Variants in IFTAP observed in about 807,000 individuals in gnomAD.
IFTAP encodes the protein intraflagellar transport associated protein.
In IFTAP, 19 loss-of-function variants were observed where a neutral mutation model predicts 19.4. The observed-to-expected ratio is 0.98, with a 90% CI of 0.68 to 1.44. The LOEUF is 1.44. Among genes scored for constraint, IFTAP ranks in the 40% most tolerant of loss-of-function variants. The pLI is 0.00. For missense variants in IFTAP, 240 were observed against 253.6 expected (o/e 0.95, Z 0.36); for synonymous variants, 85 against 83.5 (o/e 1.02, Z -0.10).
intron 4 of IFTAP, among the ~76,000 whole-genome samples, chr11:36,642,104 C>A (rs539737199): frequency 1.3e-5 from 2 of 151,722 alleles, no homozygotes; most frequent in Non-Finnish European, 2.9e-5. Context: ...ATTGATAGAC[C>A]GCTAGCAAGA....
At chr11:36,651,954 A>G (rs1179441538) in intron 5 of IFTAP, among the ~76,000 whole-genome samples, 1 of 152,170 alleles carries the variant, frequency 6.6e-6, no homozygotes, top group African/African-American at 2.4e-5. Flanking sequence ...TGGTTACTGT[A>G]GCCTTGTAGT....
intron 4 of IFTAP, among the ~76,000 whole-genome samples, chr11:36,647,030 G>A (rs1459376379): frequency 6.6e-6 from 1 of 152,032 alleles, no homozygotes; most frequent in East Asian, 1.9e-4. Context: ...ATAGTGTTGA[G>A]GGATTCATTT....
chr11:36,653,206 A>G (rs969312374), intron 5 of IFTAP, among the ~76,000 whole-genome samples: 4 of 152,162 alleles, frequency 2.6e-5, no homozygotes, highest in African/African-American at 4.8e-5. Flanking sequence ...TAGTTTGCCT[A>G]TGTGGTACTA....
intron 4 of IFTAP, among the ~76,000 whole-genome samples, chr11:36,645,816 G>C (rs1853458401): frequency 6.6e-6 from 1 of 152,048 alleles, no homozygotes; most frequent in Non-Finnish European, 1.5e-5. Context: ...TGAGGGTAAG[G>C]GCTATAGTCA....
At chr11:36,656,008 T>G (rs1312069293) in intron 5 of IFTAP, among the ~76,000 whole-genome samples, 1 of 152,168 alleles carries the variant, frequency 6.6e-6, no homozygotes. Flanking sequence ...TTTCTATTTT[T>G]AAGAATAAAT....
At chr11:36,598,977 A>T (rs1254082045) in intron 1 of IFTAP, among the ~76,000 whole-genome samples, 80 of 152,080 alleles carry the variant, frequency 5.3e-4, no homozygotes, top group Admixed American at 5.2e-3. Context: ...GATAGCAAAA[A>T]CTACCTTTAT....
At chr11:36,617,473 C>A (rs961668501) in intron 2 of IFTAP, among the ~76,000 whole-genome samples, 1 of 151,616 alleles carries the variant, frequency 6.6e-6, no homozygotes. Context: ...GAAACTATAG[C>A]AAGGGGTCTA....
At chr11:36,609,478 T>A (rs1382090480) in intron 1 of IFTAP, among the ~76,000 whole-genome samples, 2 of 152,166 alleles carry the variant, frequency 1.3e-5, no homozygotes, top group African/African-American at 4.8e-5. Context: ...AGTCCCTGGA[T>A]GTGTTGATGC....
In IFTAP at chr11:36,633,458, T is replaced by C; in HGVS notation, c.291+20T>C. ...GAACAGGTAATACCAACATAGTACA[T>C]GTATAGAAACAATCTCAGAAGAAAA... On this transcript the variant is annotated intron_variant, in intron 3 of 5. Transcript: ENST00000334307. The C allele has an allele frequency of 6.7e-7, 1 of 1,488,074 alleles. No individual in the cohort carries two copies. The highest frequency in any genetic ancestry group is 8.9e-7 in the Non-Finnish European group (1 of 1,118,854). 92.2% of individuals were successfully genotyped at this position (1,488,074 alleles called of 1,614,324 possible). A position where few individuals can be genotyped will look rare whatever the true frequency, so the allele number is the denominator to read the frequency against.
chr11:36,643,057 G>A (rs1853302201), intron 4 of IFTAP, among the ~76,000 whole-genome samples: 1 of 152,156 alleles, frequency 6.6e-6, no homozygotes, highest in African/African-American at 2.4e-5. Flanking sequence ...AGGAAAAGAG[G>A]AAGTCAAATT....
intron 2 of IFTAP, among the ~76,000 whole-genome samples, chr11:36,620,608 A>G (rs886871999): frequency 1.3e-5 from 2 of 152,010 alleles, no homozygotes; most frequent in African/African-American, 2.4e-5. Context: ...TATTTGGTTC[A>G]TAGATAATCA....
Position 36,614,182 on chromosome 11 carries a change from T to C in IFTAP, c.136+3943T>C, listed in dbSNP as rs367966440. On this transcript the variant is annotated intron_variant, in intron 2 of 5. Coordinates refer to ENST00000334307, the MANE Select transcript of IFTAP (RefSeq NM_138787.4). The stretch of plus-strand genomic sequence containing the variant: ...GAATATGCGGTGTTTGGTTTTTTGT[T>C]CTTGCGATAGTTTACTGAGAATGAT... Among the ~76,000 whole-genome samples, 14 of 145,958 alleles carry C rather than the reference T, an allele frequency of 9.6e-5. No homozygotes were observed. In the East Asian group the frequency reaches 1.6e-3, roughly 17 times the overall value.
At chr11:36,616,044 T>C (rs934559631) in intron 2 of IFTAP, among the ~76,000 whole-genome samples, 3 of 152,012 alleles carry the variant, frequency 2.0e-5, no homozygotes, top group African/African-American at 7.2e-5. Context: ...AGAGATTGTA[T>C]AATTAAGAAG....
chr11:36,611,939 T>G (rs1048277752), intron 2 of IFTAP, among the ~76,000 whole-genome samples: 1 of 152,070 alleles, frequency 6.6e-6, no homozygotes, highest in African/African-American at 2.4e-5. Flanking sequence ...GTGGTGGAAA[T>G]AAGGGTAAAA....
chr11:36,648,938 G>A (rs1853599430), intron 5 of IFTAP, among the ~76,000 whole-genome samples: 1 of 152,136 alleles, frequency 6.6e-6, no homozygotes, highest in Non-Finnish European at 1.5e-5. Context: ...TGTGCAACTT[G>A]AAAGTCATCT....
At chr11:36,628,381 C>T (rs1852598198) in intron 2 of IFTAP, among the ~76,000 whole-genome samples, 1 of 151,288 alleles carries the variant, frequency 6.6e-6, no homozygotes, top group Non-Finnish European at 1.5e-5. Context: ...CTTTCAAAGC[C>T]CAGCTCAGAT....
intron 2 of IFTAP, among the ~76,000 whole-genome samples, chr11:36,620,933 A>ATAAATTATGTATG (rs1331474040): frequency 1.3e-5 from 2 of 148,746 alleles, no homozygotes; most frequent in African/African-American, 5.0e-5. Context: ...TTATGTATAC[A>ATAAATTATGTATG]TATAAATTAG....
At chr11:36,651,044 G>A (rs1853702136) in intron 5 of IFTAP, among the ~76,000 whole-genome samples, 1 of 152,204 alleles carries the variant, frequency 6.6e-6, no homozygotes, top group Non-Finnish European at 1.5e-5. Context: ...ATAGCAGCAT[G>A]ATTTATAATC....
rs780716378 is a variant in IFTAP at position 36,633,431 on chromosome 11, A to T, written c.284A>T (p.Glu95Val). ...CTTCGTACTTCATCACAATGTTTGG[A>T]AGAACAGGTAATACCAACATAGTAC... ...IFLRTSSQCL[E>V]EQVDNFLDLE... Residue 95 changes from glutamate to valine, a missense_variant, in exon 3 of 6, where the codon GAA (glutamate) becomes GTA (valine). Transcript: ENST00000334307. 1.3e-6 allele frequency: 2 copies of T among 1,589,902 alleles called. No homozygotes were observed. The highest frequency in any genetic ancestry group is 1.7e-6 in the Non-Finnish European group (2 of 1,169,488).
Sources: allele counts gnomAD v4.1 joint callset (sites outside exome capture counted in the v4.1 genomes callset), GRCh38; gene constraint gnomAD v4.1.1; transcripts MANE v1.5; gene names NCBI Gene and HGNC (gene_info 2026-07-23, HGNC 2026-07-21).